The following STX1A variants were observed in gnomAD, a reference collection of about 807,000 sequenced individuals.
The protein encoded by STX1A is syntaxin-1A.
Under a neutral mutation model 37.8 loss-of-function variants are expected in STX1A, and 4 were observed. The ratio of observed to expected loss-of-function variants is 0.11; its 90% confidence interval spans 0.05 to 0.24. The LOEUF (loss-of-function observed/expected upper bound fraction) is 0.24. Ranked by LOEUF, STX1A falls within the 10% of genes least tolerant of loss-of-function variation. The pLI is 1.00. For synonymous variants in STX1A, 135 were observed against 147.4 expected, an observed-to-expected ratio of 0.92 and a Z score of 0.61; for missense variants, 251 against 399.9, an observed-to-expected ratio of 0.63 and a Z score of 3.18.
rs202235482 is a variant in STX1A, at chr7:73,704,443, C to T, written c.284-20G>A. 109 of 1,613,904 alleles carry T rather than the reference C, an allele frequency of 6.8e-5. No individual in the cohort carries two copies. The highest frequency in any genetic ancestry group is 8.8e-5 in the Non-Finnish European group (104 of 1,179,994). On this transcript the variant is annotated intron_variant, in intron 4 of 9. Transcript: ENST00000222812. ...CGATGCCTGGGGGCACAGGTGGCTG[C>T]TAAGTCATAACCAGGCCCCTTCAAC...
chr7:73,704,924 C>A, intron 4 of STX1A: 1 of 600,832 alleles, frequency 1.7e-6, no homozygotes, highest in South Asian at 1.9e-5. Context: ...CAGAGTGGAG[C>A]CCTCCCTCGC....
chr7:73,714,230 T>C (rs1436328394), intron 1 of STX1A, among the ~76,000 whole-genome samples: 2 of 151,906 alleles, frequency 1.3e-5, no homozygotes, highest in African/African-American at 2.4e-5. Flanking sequence ...TGCCTCAGCC[T>C]CCCGAGTAGC....
Position 73,709,467 on chromosome 7 carries a change from G to A in STX1A, c.31-345C>T, listed in dbSNP as rs989370719. On this transcript the variant is annotated intron_variant, in intron 1 of 9. Transcript: ENST00000222812. This position sits in a 1 kb window ranked among gnomAD's most constrained non-coding sequence, Gnocchi z 4.2. ...CGGCCGCTCTGTCTGGGCCCTCTGG[G>A]TCCCCTAGGCCCCTAGGACAGCTGC... Among the ~76,000 whole-genome samples, 22 of 152,060 alleles carry A rather than the reference G, an allele frequency of 1.4e-4. No homozygotes were observed. The highest frequency in any genetic ancestry group is 5.3e-4 in the African/African-American group (22 of 41,386).
At chr7:73,714,655 C>T (rs1799226078) in intron 1 of STX1A, among the ~76,000 whole-genome samples, 1 of 152,138 alleles carries the variant, frequency 6.6e-6, no homozygotes, top group South Asian at 2.1e-4. Context: ...CCGCCTCAGC[C>T]TCCCAAGTAG....
Position 73,703,002 on chromosome 7 carries a change from G to C in STX1A, c.541-20C>G. ...GATGATCTGGGGGTGGGAGCAGGGG[G>C]CTGGGACCCAGAGGCTTGCTGAGGG... On this transcript the variant is annotated intron_variant, in intron 7 of 9. Transcript: ENST00000222812. 6.3e-7 allele frequency: 1 copy of C among 1,579,934 alleles called. No homozygotes were observed. The highest frequency in any genetic ancestry group is 1.7e-5 in the Admixed American group (1 of 58,662).
intron 1 of STX1A, among the ~76,000 whole-genome samples, chr7:73,715,472 G>A (rs1192501754): frequency 6.6e-6 from 1 of 152,148 alleles, no homozygotes; most frequent in Non-Finnish European, 1.5e-5. Flanking sequence ...CAGGAAGGCT[G>A]GGAGGGAGTG....
intron 7 of STX1A, 58 bp from the exon 8 acceptor site, chr7:73,703,040 G>A (rs527974822): frequency 3.4e-5 from 42 of 1,252,826 alleles, no homozygotes; most frequent in African/African-American, 4.5e-5. Flanking sequence ...AGGGCAGAGG[G>A]CCGAGGGGGA....
At chr7:73,714,194 C>T (rs1349309261) in intron 1 of STX1A, among the ~76,000 whole-genome samples, 2 of 152,216 alleles carry the variant, frequency 1.3e-5, no homozygotes, top group East Asian at 3.9e-4. Context: ...CCACAACCTC[C>T]GCCTCCCAGG....
Position 73,709,233 on chromosome 7 carries a change from GCCTCT to G in STX1A, c.31-116_31-112del. The G allele has an allele frequency of 9.0e-7, 1 of 1,110,762 alleles. No individual in the cohort carries two copies. 68.8% of individuals were successfully genotyped at this position (1,110,762 alleles called of 1,614,324 possible). On this transcript the variant is annotated intron_variant, in intron 1 of 9. Coordinates refer to ENST00000222812, the MANE Select transcript of STX1A (RefSeq NM_004603.4). The surrounding 1 kb of genome is among the most constrained non-coding windows in gnomAD (Gnocchi z 4.2). The stretch of plus-strand genomic sequence containing the variant: ...CCTGCCCCTCCCCCTCTCCCTGGGG[GCCTCT>G]GGGCAGGGACAAGAACAGGCCTGGC...
chr7:73,705,055 G>A lies in STX1A; in HGVS notation c.283+95C>T, dbSNP rs571271555. 57 of 1,204,490 alleles carry A rather than the reference G, an allele frequency of 4.7e-5. No homozygotes were observed. The Admixed American group carries it at 8.6e-4, about 18-fold the overall frequency. The allele number at this position is 1,204,490 out of a possible 1,614,324, so 74.6% of individuals were successfully genotyped here. On this transcript the variant is annotated intron_variant, in intron 4 of 9. Transcript: ENST00000222812. The surrounding 1 kb of genome is among the most constrained non-coding windows in gnomAD (Gnocchi z 5.2). ...ACCCTCAGAAAGGAAAGCAAGATCC[G>A]GCGCACCCCCTCAGGGCGAGCAAAA...
At chr7:73,703,083 G>A in intron 7 of STX1A, 101 bp from the exon 8 acceptor site, 5 of 938,768 alleles carry the variant, frequency 5.3e-6, no homozygotes, top group Non-Finnish European at 6.3e-6. Context: ...TGCTCCGGAA[G>A]GGGGCCTGAG....
At position 73,700,636 on chromosome 7, in the gene STX1A, G is replaced by T; in HGVS notation, c.789+94C>A. 1 of 1,545,604 alleles carries T rather than the reference G, an allele frequency of 6.5e-7. No homozygotes were observed. Among genetic ancestry groups the T allele is most frequent in the East Asian group, 2.3e-5 (1 of 43,400 alleles). The stretch of plus-strand genomic sequence containing the variant: ...GGGCTGTCATGGGGAGCTCCTGAGA[G>T]AAGGGAGAGAGGTGGGATGGGGAGG... On this transcript the variant is annotated intron_variant, in intron 9 of 9. Coordinates refer to ENST00000222812, the MANE Select transcript of STX1A (RefSeq NM_004603.4). This position sits in a 1 kb window ranked among gnomAD's most constrained non-coding sequence, Gnocchi z 4.4.
chr7:73,704,113 T>G, intron 6 of STX1A, 35 bp downstream of exon 6: 2 of 1,539,308 alleles, frequency 1.3e-6, no homozygotes, highest in African/African-American at 1.4e-5. Flanking sequence ...CCCTCCAGGC[T>G]CCAGGCCCCG....
At position 73,702,499 on chromosome 7, in the gene STX1A, A is replaced by G. The variant is rs1798695751; in HGVS notation, c.678+346T>C. 1.1e-5 allele frequency: 5 copies of G among 453,210 alleles called. No homozygotes were observed. In the South Asian group the frequency reaches 4.0e-4, roughly 36 times the overall value. The allele number at this position is 453,210 out of a possible 1,614,324, so 28.1% of individuals were successfully genotyped here. A position where few individuals can be genotyped will look rare whatever the true frequency, so the allele number is the denominator to read the frequency against. On this transcript the variant is annotated intron_variant, in intron 8 of 9. Coordinates refer to ENST00000222812, the MANE Select transcript of STX1A (RefSeq NM_004603.4). The surrounding 1 kb of genome is among the most constrained non-coding windows in gnomAD (Gnocchi z 4.7). Reference sequence around the variant, plus strand: ...CCAACAGCCATTCACTCCAGGAAGCAGGTCCCTGAGCTGTCCTGGTCACTG... The same window carrying G: ...CCAACAGCCATTCACTCCAGGAAGCGGGTCCCTGAGCTGTCCTGGTCACTG...
rs781990310 is a variant in STX1A, at chr7:73,700,925, CCT to C, written c.679-87_679-86del. ...TCGGGGCAGGACTTCAGGAAAGCAC[CCT>C]GAGGCTAGAGACAAAAAGGGGGCGT... On this transcript the variant is annotated intron_variant, in intron 8 of 9. Coordinates refer to ENST00000222812, the MANE Select transcript of STX1A (RefSeq NM_004603.4). This position sits in a 1 kb window ranked among gnomAD's most constrained non-coding sequence, Gnocchi z 4.4. 6.3e-7 allele frequency: 1 copy of C among 1,582,394 alleles called. No homozygotes were observed. The highest frequency in any genetic ancestry group is 1.8e-5 in the Admixed American group (1 of 55,808).
At chr7:73,703,442 C>T (rs1798740504) in intron 7 of STX1A, 3 of 622,460 alleles carry the variant, frequency 4.8e-6, no homozygotes, top group Non-Finnish European at 9.0e-6. Context: ...CCCGGCTTCA[C>T]GTGAACACAG....
intron 3 of STX1A, 79 bp downstream of exon 3, chr7:73,708,510 T>C: frequency 7.3e-7 from 1 of 1,374,312 alleles, no homozygotes; most frequent in Non-Finnish European, 1.0e-6. Context: ...GCTGCAGAGG[T>C]CCCGTGAGGC....
At chr7:73,714,169 C>T (rs1446800838) in intron 1 of STX1A, among the ~76,000 whole-genome samples, 15 of 151,506 alleles carry the variant, frequency 9.9e-5, no homozygotes, top group Middle Eastern at 3.4e-3. Context: ...AGCGCAGTGG[C>T]GCAATCTCGG....
Position 73,700,851 on chromosome 7 carries a change from G to A in STX1A, c.679-11C>T, listed in dbSNP as rs782027823. 2.4e-5 allele frequency: 38 copies of A among 1,611,718 alleles called. No individual in the cohort carries two copies. The highest frequency in any genetic ancestry group is 1.6e-4 in the Middle Eastern group (1 of 6,084). On this transcript the variant is annotated splice_polypyrimidine_tract_variant and intron_variant, in intron 8 of 9. Coordinates refer to ENST00000222812, the MANE Select transcript of STX1A (RefSeq NM_004603.4). This position sits in a 1 kb window ranked among gnomAD's most constrained non-coding sequence, Gnocchi z 4.4. ...GTCAATCATCTCTCCCTGCGGGGCC[G>A]GGGGCACCCGAGCTCCAGAGGGCCC...
Sources: gnomAD v4.1 joint callset for allele counts (sites outside exome capture counted in the v4.1 genomes callset) on GRCh38, gnomAD v4.1.1 for gene constraint, Gnocchi (gnomAD v3.1) non-coding constraint, MANE v1.5 for transcripts, NCBI Gene and HGNC (gene_info 2026-07-23, HGNC 2026-07-21) for gene names.